LRCH1: variants seen among roughly 807,000 people sequenced by gnomAD.
LRCH1 encodes leucine rich repeats and calponin homology domain containing 1, also known as leucine-rich repeat and calponin homology domain-containing protein 1.
A neutral mutation model predicts 94.9 loss-of-function variants in LRCH1; 23 were observed. The ratio of observed to expected loss-of-function variants is 0.24; its 90% CI spans 0.17 to 0.34. The LOEUF is 0.34. Among genes scored for constraint, LRCH1 ranks in the 10% least tolerant of loss-of-function variants. The pLI is 1.00. For missense variants in LRCH1, 790 were observed against 945.9 expected (o/e 0.84, Z 2.16); for synonymous variants, 364 against 354.9 (o/e 1.03, Z -0.29).
chr13:46,689,250 G>T lies in LRCH1; in HGVS notation c.1014+54G>T, dbSNP rs553724993. 16 of 1,392,730 alleles carry T rather than the reference G, an allele frequency of 1.1e-5. No homozygotes were observed. The East Asian group carries it at 3.7e-4, about 32-fold the overall frequency. 86.3% of individuals were successfully genotyped at this position (1,392,730 alleles called of 1,614,324 possible). On this transcript the variant is annotated intron_variant, in intron 7 of 19. Coordinates refer to ENST00000389797, the MANE Select transcript of LRCH1 (RefSeq NM_001164211.2). ...TCTGTACTTCTAGACATATCTACCAGTGTTCATTGAACTCCTTTCTGTTAA... is the reference window on the plus strand; with the variant it reads ...TCTGTACTTCTAGACATATCTACCATTGTTCATTGAACTCCTTTCTGTTAA...
chr13:46,682,977 CCT>C (rs1870411916), intron 4 of LRCH1, among the ~76,000 whole-genome samples: 1 of 152,216 alleles, frequency 6.6e-6, no homozygotes. Context: ...ACGGATGAGT[CCT>C]GGAACCCTGA....
At chr13:46,710,427 C>A (rs1871999829) in intron 13 of LRCH1, among the ~76,000 whole-genome samples, 1 of 152,182 alleles carries the variant, frequency 6.6e-6, no homozygotes, top group Non-Finnish European at 1.5e-5. Flanking sequence ...CGTGATCTGA[C>A]TTTAAACATA....
At chr13:46,582,370 C>CTTTTTTTTTTT (rs10686269) in intron 1 of LRCH1, among the ~76,000 whole-genome samples, 4 of 79,590 alleles carry the variant, frequency 5.0e-5, no homozygotes, top group African/African-American at 5.1e-5. Flanking sequence ...TTGCTCTCAT[C>CTTTTTTTTTTT]TTTTTTTTTT....
At chr13:46,595,709 A>G (rs1054875795) in intron 1 of LRCH1, among the ~76,000 whole-genome samples, 1 of 152,178 alleles carries the variant, frequency 6.6e-6, no homozygotes, top group Non-Finnish European at 1.5e-5. Context: ...ATAATTCTAC[A>G]TTTCTGGAGT....
chr13:46,608,918 C>A (rs994510395), intron 1 of LRCH1, among the ~76,000 whole-genome samples: 1 of 152,198 alleles, frequency 6.6e-6, no homozygotes, highest in Non-Finnish European at 1.5e-5. Context: ...AACAAAATTT[C>A]ATCCTCTGTT....
chr13:46,750,796 G>A, exon 19 of LRCH1: 1 of 583,242 alleles, frequency 1.7e-6, no homozygotes, highest in East Asian at 3.0e-5. Flanking sequence ...TCAGTCTAAG[G>A]GAGGATTTTC....
In LRCH1 at chr13:46,686,418, C is replaced by T. The variant is rs1453587096; in HGVS notation, c.822+377C>T. Among the ~76,000 whole-genome samples the T allele has an allele frequency of 3.9e-5, 6 of 152,128 alleles. No homozygotes were observed. The East Asian group carries it at 1.2e-3, about 29-fold the overall frequency. Reference sequence around the variant, plus strand: ...TTCCTTCTGGGCGTGGGGCAGGACCCTCTTTGCGATGGGGGGTCTTATGGC... The same window carrying T: ...TTCCTTCTGGGCGTGGGGCAGGACCTTCTTTGCGATGGGGGGTCTTATGGC... On this transcript the variant is annotated intron_variant, in intron 5 of 19. Coordinates refer to ENST00000389797, the MANE Select transcript of LRCH1 (RefSeq NM_001164211.2).
chr13:46,622,150 T>C (rs1360619127), intron 1 of LRCH1, among the ~76,000 whole-genome samples: 1 of 151,792 alleles, frequency 6.6e-6, no homozygotes, highest in East Asian at 1.9e-4. Context: ...ATTTGTATAA[T>C]AATATACTTA....
chr13:46,625,565 C>G (rs1029961489), intron 1 of LRCH1, among the ~76,000 whole-genome samples: 1 of 151,662 alleles, frequency 6.6e-6, no homozygotes, highest in Admixed American at 6.6e-5. Flanking sequence ...TCTGCTTGCT[C>G]CTTGAGCCCG....
chr13:46,720,229 A>C (rs1320324295), intron 16 of LRCH1, among the ~76,000 whole-genome samples: 1 of 152,000 alleles, frequency 6.6e-6, no homozygotes, highest in East Asian at 1.9e-4. Flanking sequence ...TCTACTAAAA[A>C]TATAAAACTT....
chr13:46,699,206 G>A, intron 9 of LRCH1, 130 bp from the exon 10 acceptor site: 1 of 689,224 alleles, frequency 1.5e-6, no homozygotes, highest in Non-Finnish European at 2.6e-6. Flanking sequence ...CTCCATAGAT[G>A]GCTGTTTGGC....
chr13:46,739,064 TAA>T (rs898950763), intron 19 of LRCH1, among the ~76,000 whole-genome samples: 116 of 152,348 alleles, frequency 7.6e-4, no homozygotes, highest in African/African-American at 2.7e-3. Context: ...CTTTTTATAT[TAA>T]GATTATATTT....
intron 1 of LRCH1, among the ~76,000 whole-genome samples, chr13:46,635,061 A>G (rs2051067001): frequency 6.6e-6 from 1 of 152,230 alleles, no homozygotes; most frequent in Admixed American, 6.5e-5. Context: ...GGCACAGGTA[A>G]CAAGGTTGAA....
At chr13:46,661,104 C>T (rs2051442152) in intron 2 of LRCH1, among the ~76,000 whole-genome samples, 1 of 152,016 alleles carries the variant, frequency 6.6e-6, no homozygotes, top group Admixed American at 6.6e-5. Flanking sequence ...AATTCTGTGC[C>T]CTCCTTCCAC....
At chr13:46,720,725 GA>G (rs1333019392) in intron 16 of LRCH1, among the ~76,000 whole-genome samples, 3 of 152,094 alleles carry the variant, frequency 2.0e-5, no homozygotes, top group African/African-American at 4.8e-5. Flanking sequence ...TAAAAGAAAA[GA>G]AAAAACTGTA....
At chr13:46,697,909 T>G (rs1404188646) in intron 9 of LRCH1, among the ~76,000 whole-genome samples, 1 of 152,200 alleles carries the variant, frequency 6.6e-6, no homozygotes, top group East Asian at 1.9e-4. Flanking sequence ...ATTGGCTACT[T>G]TTAGTTGTGA....
intron 1 of LRCH1, among the ~76,000 whole-genome samples, chr13:46,600,389 T>C (rs1350330458): frequency 1.3e-5 from 2 of 152,046 alleles, no homozygotes; most frequent in Non-Finnish European, 2.9e-5. Context: ...AATAACAGAG[T>C]TAGGGTCAAG....
chr13:46,571,593 C>T (rs1001778083), intron 1 of LRCH1, among the ~76,000 whole-genome samples: 8 of 152,190 alleles, frequency 5.3e-5, no homozygotes, highest in African/African-American at 1.9e-4. Flanking sequence ...TGCCAAAGTG[C>T]TCAAGTCACC....
rs531218465 is a variant in LRCH1, at chr13:46,705,539, C to A, written c.1527+235C>A. The A allele has an allele frequency of 8.6e-6, 5 of 581,014 alleles. No individual in the cohort carries two copies. The East Asian group carries it at 1.5e-4, about 18-fold the overall frequency. The allele number at this position is 581,014 out of a possible 1,614,324, so 36.0% of individuals were successfully genotyped here. ...GAGAGTTGGCTATTTCTATTAGATT[C>A]TGTAGATTTTTTTACCTCAGATCAT... is the stretch of plus-strand genomic sequence containing the variant. On this transcript the variant is annotated intron_variant, in intron 13 of 19. Coordinates refer to ENST00000389797, the MANE Select transcript of LRCH1 (RefSeq NM_001164211.2).
Sources: gnomAD v4.1 joint callset for allele counts (sites outside exome capture counted in the v4.1 genomes callset) on GRCh38, gnomAD v4.1.1 for gene constraint, MANE v1.5 for transcripts, NCBI Gene and HGNC (gene_info 2026-07-23, HGNC 2026-07-21) for gene names.